Variants in REV3L observed in about 807,000 individuals in gnomAD.
REV3L encodes the protein REV3 like, DNA directed polymerase zeta catalytic subunit, also known as DNA polymerase zeta catalytic subunit.
In REV3L, 69 loss-of-function variants were observed where a neutral mutation model predicts 299.4. The ratio of observed to expected loss-of-function variants is 0.23; its 90% CI spans 0.19 to 0.28. The LOEUF is 0.28. REV3L is among the 10% of genes least tolerant of loss of function. REV3L has a pLI of 1.00. For missense variants in REV3L, 3,128 were observed against 3,693.8 expected (o/e 0.85, Z 3.97); for synonymous variants, 1,238 against 1,271.4 (o/e 0.97, Z 0.56).
At chr6:111,462,487 G>C (rs1790910197) in intron 1 of REV3L, among the ~76,000 whole-genome samples, 1 of 152,052 alleles carries the variant, frequency 6.6e-6, no homozygotes, top group Non-Finnish European at 1.5e-5. Context: ...AAGAGAAATA[G>C]ACAAATCTAT....
chr6:111,441,911 T>C (rs187769846), intron 1 of REV3L, among the ~76,000 whole-genome samples: 6 of 152,306 alleles, frequency 3.9e-5, no homozygotes, highest in East Asian at 3.9e-4. Flanking sequence ...AAGTGTTCTA[T>C]AGTCCTATGA....
At chr6:111,403,107 C>T (rs940595173) in intron 4 of REV3L, among the ~76,000 whole-genome samples, 1 of 152,136 alleles carries the variant, frequency 6.6e-6, no homozygotes, top group East Asian at 1.9e-4. Flanking sequence ...ACTGATGAAC[C>T]GTGAAAACAT....
At chr6:111,479,501 C>G (rs1308436189) in intron 1 of REV3L, among the ~76,000 whole-genome samples, 2 of 146,580 alleles carry the variant, frequency 1.4e-5, no homozygotes, top group African/African-American at 4.9e-5. Flanking sequence ...CTGAATATCC[C>G]CCCCCGCCTT....
At chr6:111,325,962 C>G (rs1453162047) in intron 25 of REV3L, among the ~76,000 whole-genome samples, 1 of 152,140 alleles carries the variant, frequency 6.6e-6, no homozygotes, top group East Asian at 1.9e-4. Context: ...TCATTCTACT[C>G]TCTATCTCCA....
At chr6:111,323,459 C>A (rs1399047082) in intron 25 of REV3L, among the ~76,000 whole-genome samples, 1 of 151,958 alleles carries the variant, frequency 6.6e-6, no homozygotes, top group African/African-American at 2.4e-5. Flanking sequence ...ACTAGTTATA[C>A]AAAGAAAAAT....
chr6:111,354,781 A>C (rs960184771), intron 18 of REV3L, among the ~76,000 whole-genome samples: 5 of 152,202 alleles, frequency 3.3e-5, no homozygotes, highest in African/African-American at 1.2e-4. Flanking sequence ...AAAACAACCC[A>C]AAACTGTGGA....
intron 20 of REV3L, chr6:111,348,984 T>C (rs537334587): frequency 2.6e-5 from 8 of 313,166 alleles, no homozygotes; most frequent in Non-Finnish European, 4.0e-5. Context: ...TAGACCTTTC[T>C]AGTTATTGCT....
Position 111,374,388 on chromosome 6 carries a change from C to G in REV3L, c.3967G>C (p.Val1323Leu), listed in dbSNP as rs973134212. 6.2e-7 allele frequency: 1 copy of G among 1,613,850 alleles called. No homozygotes were observed. Among genetic ancestry groups the G allele is most frequent in the African/African-American group, 1.3e-5 (1 of 74,912 alleles). Residue 1323 changes from valine (V) to leucine (L), a missense_variant, in exon 13 of 32, where the codon GTT becomes CTT. Val to Leu is a conservative substitution (Grantham distance 32). Around this residue, in one of 9 missense-constraint regions of REV3L, gnomAD observed 2,409 missense variants for 2,611.8 expected, o/e 0.92. Coordinates refer to ENST00000368802, the MANE Select transcript of REV3L (RefSeq NM_001372078.1). ...SSRDDLHPSV[V>L]CNSIGPGVSK... ...ACTCCAGGTCCTATAGAATTACAAACAACTGATGGATGCAAATCATCTCGT... is the reference window on the plus strand; with the variant it reads ...ACTCCAGGTCCTATAGAATTACAAAGAACTGATGGATGCAAATCATCTCGT...
At chr6:111,379,947 A>T (rs751482913) in intron 11 of REV3L, 35 bp downstream of exon 11, 38 of 1,242,774 alleles carry the variant, frequency 3.1e-5, no homozygotes, top group Non-Finnish European at 4.1e-5. Flanking sequence ...TAATGATAAA[A>T]GTTAATAAAA....
intron 1 of REV3L, among the ~76,000 whole-genome samples, chr6:111,452,617 T>A (rs1383227910): frequency 6.6e-6 from 1 of 152,246 alleles, no homozygotes; most frequent in African/African-American, 2.4e-5. Context: ...ATATAGCAGA[T>A]AAGTGGTTGT....
chr6:111,340,820 T>C (rs1776403585), intron 21 of REV3L, among the ~76,000 whole-genome samples: 9 of 152,026 alleles, frequency 5.9e-5, no homozygotes. Flanking sequence ...CCATTTGACA[T>C]AAATGGTCTA....
chr6:111,381,129 C>T (rs1362622574), intron 10 of REV3L, among the ~76,000 whole-genome samples, 196 bp downstream of exon 10: 1 of 152,042 alleles, frequency 6.6e-6, no homozygotes, highest in Non-Finnish European at 1.5e-5. Context: ...TTTTCTTTCA[C>T]AAATTTTTTT....
In REV3L at chr6:111,345,869, G is replaced by A. The variant is rs550344313; in HGVS notation, c.7420-1826C>T. On this transcript the variant is annotated intron_variant, in intron 20 of 31. Transcript: ENST00000368802. Reference sequence around the variant, plus strand: ...CTGTGAATTTGAACATAGCTGGTGGGTATCACTTTAATTTCCTAACCCAAA... The same window carrying A: ...CTGTGAATTTGAACATAGCTGGTGGATATCACTTTAATTTCCTAACCCAAA... 4.6e-5 allele frequency among the ~76,000 whole-genome samples: 7 copies of A among 151,808 alleles called. No homozygotes were observed. The South Asian group carries it at 1.5e-3, about 32-fold the overall frequency.
chr6:111,449,737 A>C (rs1380278544), intron 1 of REV3L, among the ~76,000 whole-genome samples: 1 of 152,208 alleles, frequency 6.6e-6, no homozygotes, highest in Non-Finnish European at 1.5e-5. Context: ...GTGTCCCAGA[A>C]TAAAGCTCAA....
At chr6:111,477,826 T>A (rs116150690) in intron 1 of REV3L, among the ~76,000 whole-genome samples, 4,335 of 152,220 alleles carry the variant, frequency 0.028, 75 homozygotes, top group South Asian at 0.079. Context: ...AGGAAACAGA[T>A]CAGAAGGGGA....
chr6:111,330,494 A>G (rs1040299078), intron 24 of REV3L, among the ~76,000 whole-genome samples: 21 of 152,220 alleles, frequency 1.4e-4, no homozygotes, highest in Non-Finnish European at 2.9e-4. Flanking sequence ...AGACCTAACA[A>G]TTAAAATCTC....
intron 31 of REV3L, among the ~76,000 whole-genome samples, chr6:111,303,701 CTTTTTTTTTTTTTTT>C (rs58366929): frequency 4.8e-3 from 61 of 12,634 alleles, no homozygotes; most frequent in East Asian, 0.025. Flanking sequence ...CAGACTATGA[CTTTTTTTTTTTTTTT>C]TTTTTTTTTT....
intron 1 of REV3L, among the ~76,000 whole-genome samples, chr6:111,482,182 G>A (rs914597096): frequency 2.0e-5 from 3 of 152,186 alleles, no homozygotes; most frequent in Non-Finnish European, 2.9e-5. Flanking sequence ...GGTCACCCCA[G>A]TGAGAAAGAT....
At position 111,299,334 on chromosome 6, in the gene REV3L, G is replaced by GC. The variant is rs1221270060; in HGVS notation, c.*681_*682insG. On this transcript the variant is annotated 3_prime_UTR_variant, in exon 32 of 32. Transcript: ENST00000368802. ...AGTATTGCAACAGGCCCACAGGTTT[G>GC]TAACAAAAATGTCTTTGCACAGTTC... 6.6e-6 allele frequency: 1 copy of GC among 152,474 alleles called. No individual in the cohort carries two copies. Among genetic ancestry groups the GC allele is most frequent in the East Asian group, 1.9e-4 (1 of 5,204 alleles). 9.4% of individuals were successfully genotyped at this position (152,474 alleles called of 1,614,324 possible). A position where few individuals can be genotyped will look rare whatever the true frequency, so the allele number is the denominator to read the frequency against.
Sources: allele counts gnomAD v4.1 joint callset (sites outside exome capture counted in the v4.1 genomes callset), GRCh38; gene constraint gnomAD v4.1.1; regional missense constraint gnomAD v4.1.1; transcripts MANE v1.5; gene names NCBI Gene and HGNC (gene_info 2026-07-23, HGNC 2026-07-21).